FGF12: variants seen among roughly 807,000 people sequenced by gnomAD.
FGF12 encodes the protein fibroblast growth factor 12.
FGF12 carries 14 observed loss-of-function variants against 23.6 expected under a neutral mutation model. The ratio of observed to expected loss-of-function variants is 0.59; its 90% CI spans 0.39 to 0.93. The LOEUF (loss-of-function observed/expected upper bound fraction) is 0.93, where lower values mean the gene tolerates loss of function less well. FGF12 is among the 40% of genes least tolerant of loss of function. The probability of loss-of-function intolerance (pLI) is 0.00; values close to 1 mark genes in which losing one functional copy is unlikely to be tolerated. For synonymous variants in FGF12, 62 were observed against 77.3 expected (o/e 0.80, Z 1.04); for missense variants, 175 against 217.8 (o/e 0.80, Z 1.24).
intron 4 of FGF12, among the ~76,000 whole-genome samples, chr3:192,316,374 C>A (rs1716229202): frequency 6.6e-6 from 1 of 152,130 alleles, no homozygotes; most frequent in African/African-American, 2.4e-5. Flanking sequence ...GTAGGAAAGA[C>A]AGTTATGAAT....
chr3:192,555,823 T>A (rs940154403), intron 2 of FGF12, among the ~76,000 whole-genome samples: 1 of 151,674 alleles, frequency 6.6e-6, no homozygotes, highest in African/African-American at 2.4e-5. Context: ...AAGATGTAAT[T>A]TGTGACATCT....
chr3:192,397,841 T>C (rs1392935267), intron 2 of FGF12, among the ~76,000 whole-genome samples: 2 of 152,182 alleles, frequency 1.3e-5, no homozygotes, highest in African/African-American at 4.8e-5. Flanking sequence ...CCCTGTTTCT[T>C]AATGATTTTT....
At chr3:192,506,216 G>C (rs990971252) in intron 2 of FGF12, among the ~76,000 whole-genome samples, 9 of 152,236 alleles carry the variant, frequency 5.9e-5, no homozygotes, top group African/African-American at 2.2e-4. Flanking sequence ...ATCACTTGTG[G>C]AAGAGAAGTT....
intron 2 of FGF12, among the ~76,000 whole-genome samples, chr3:192,621,460 C>G (rs1177605669): frequency 6.6e-6 from 1 of 152,080 alleles, no homozygotes; most frequent in Non-Finnish European, 1.5e-5. Flanking sequence ...AGTTCTGCCA[C>G]TGTGATCTTA....
intron 2 of FGF12, among the ~76,000 whole-genome samples, chr3:192,518,867 C>A (rs572927735): frequency 2.0e-5 from 3 of 152,064 alleles, no homozygotes; most frequent in African/African-American, 7.2e-5. Context: ...TTTTTTATTT[C>A]TTTTTCCTTC....
chr3:192,502,967 G>A (rs1724176005), intron 2 of FGF12, among the ~76,000 whole-genome samples: 1 of 152,202 alleles, frequency 6.6e-6, no homozygotes, highest in Non-Finnish European at 1.5e-5. Context: ...TAGGAATTCA[G>A]CAAATTATTC....
intron 2 of FGF12, among the ~76,000 whole-genome samples, chr3:192,458,316 G>C (rs935631981): frequency 6.6e-6 from 1 of 152,138 alleles, no homozygotes; most frequent in Admixed American, 6.5e-5. Flanking sequence ...CCGACAGCTT[G>C]CACTGTGTGC....
chr3:192,449,053 A>G (rs73066281), intron 2 of FGF12, among the ~76,000 whole-genome samples: 1 of 152,152 alleles, frequency 6.6e-6, no homozygotes, highest in African/African-American at 2.4e-5. Context: ...GGCTTTTAAA[A>G]TCAAATCTCA....
chr3:192,514,586 G>C lies in FGF12; in HGVS notation c.14-154048C>G. On this transcript the variant is annotated intron_variant, in intron 2 of 5. Coordinates refer to ENST00000445105, the MANE Select transcript of FGF12 (RefSeq NM_004113.6). The surrounding 1 kb of genome is among the most constrained non-coding windows in gnomAD (Gnocchi z 4.9). ...ACAGGCAGCGCTGAATGAAGCAGAG[G>C]AGGGCGGCGGAGAGGGCCCCGGAAG... 1 of 604,048 alleles carries C rather than the reference G, an allele frequency of 1.7e-6. No homozygotes were observed. Among genetic ancestry groups the C allele is most frequent in the Non-Finnish European group, 2.1e-6 (1 of 481,372 alleles). 37.4% of individuals were successfully genotyped at this position (604,048 alleles called of 1,614,324 possible). A position where few individuals can be genotyped will look rare whatever the true frequency, so the allele number is the denominator to read the frequency against.
intron 4 of FGF12, among the ~76,000 whole-genome samples, chr3:192,177,588 C>T (rs138640267): frequency 8.5e-5 from 13 of 152,280 alleles, no homozygotes; most frequent in Non-Finnish European, 1.6e-4. Flanking sequence ...TTTGCAGATC[C>T]CTGTTTCCTC....
chr3:192,208,247 C>T lies in FGF12; in HGVS notation c.229-37591G>A, dbSNP rs536381788. 2.6e-5 allele frequency among the ~76,000 whole-genome samples: 4 copies of T among 152,268 alleles called. No homozygotes were observed. In the South Asian group the frequency reaches 8.3e-4, roughly 32 times the overall value. Reference sequence around the variant, plus strand: ...AGCACTTCGATGTGATTTATAGAAACTAGAATAAGAAGAATGTCTGTTACG... The same window carrying T: ...AGCACTTCGATGTGATTTATAGAAATTAGAATAAGAAGAATGTCTGTTACG... On this transcript the variant is annotated intron_variant, in intron 4 of 5. Transcript: ENST00000445105.
At chr3:192,406,893 T>C (rs561421954) in intron 2 of FGF12, among the ~76,000 whole-genome samples, 2 of 152,046 alleles carry the variant, frequency 1.3e-5, no homozygotes, top group Non-Finnish European at 2.9e-5. Context: ...ACAGTCAGAG[T>C]TGCAAAGAGA....
chr3:192,331,700 G>C (rs1717133727), intron 4 of FGF12, among the ~76,000 whole-genome samples: 2 of 151,942 alleles, frequency 1.3e-5, no homozygotes, highest in African/African-American at 2.4e-5. Context: ...GGGGAGGAGA[G>C]GAAAGAGAGC....
intron 2 of FGF12, among the ~76,000 whole-genome samples, chr3:192,368,494 C>A (rs1694686277): frequency 6.6e-6 from 1 of 151,934 alleles, no homozygotes; most frequent in African/African-American, 2.4e-5. Flanking sequence ...GGAAGGAAAC[C>A]ATTAAGGATA....
intron 2 of FGF12, among the ~76,000 whole-genome samples, chr3:192,631,666 T>A (rs1715396293): frequency 6.6e-6 from 1 of 152,196 alleles, no homozygotes; most frequent in Non-Finnish European, 1.5e-5. Context: ...TCTCCATTAC[T>A]AGACATGACA....
intron 2 of FGF12, among the ~76,000 whole-genome samples, chr3:192,607,900 C>CTTACTT (rs1341931804): frequency 6.7e-6 from 1 of 150,118 alleles, no homozygotes; most frequent in Non-Finnish European, 1.5e-5. Flanking sequence ...TCCCTGAGCA[C>CTTACTT]TTACTTTGAG....
At chr3:192,236,490 C>G (rs1719306120) in intron 4 of FGF12, among the ~76,000 whole-genome samples, 1 of 152,128 alleles carries the variant, frequency 6.6e-6, no homozygotes. Context: ...GTTTGATTAT[C>G]TAAGTCTCTT....
intron 2 of FGF12, among the ~76,000 whole-genome samples, chr3:192,391,004 G>A (rs762013959): frequency 5.3e-5 from 8 of 152,188 alleles, no homozygotes; most frequent in Non-Finnish European, 1.0e-4. Context: ...TGAAAATTTG[G>A]ATGAGGAGCT....
chr3:192,482,488 G>T (rs551195933), intron 2 of FGF12, among the ~76,000 whole-genome samples: 20 of 152,172 alleles, frequency 1.3e-4, no homozygotes, highest in Admixed American at 5.2e-4. Flanking sequence ...ACAAAAATTA[G>T]CTGGACGTGG....
Sources: allele counts gnomAD v4.1 joint callset (sites outside exome capture counted in the v4.1 genomes callset), GRCh38; gene constraint gnomAD v4.1.1; non-coding constraint Gnocchi (gnomAD v3.1); transcripts MANE v1.5; gene names NCBI Gene and HGNC (gene_info 2026-07-23, HGNC 2026-07-21).